Variants in C1orf87 observed in about 807,000 individuals in gnomAD.
C1orf87 encodes chromosome 1 open reading frame 87, also known as uncharacterized protein C1orf87.
A neutral mutation model predicts 60.5 loss-of-function variants in C1orf87; 58 were observed. The ratio of observed to expected loss-of-function variants is 0.96; its 90% CI spans 0.78 to 1.19. The LOEUF is 1.19. Ranked by LOEUF, C1orf87 falls within the 50% of genes most tolerant of loss-of-function variation. The pLI is 0.00. For synonymous variants in C1orf87, 236 were observed against 227.4 expected (o/e 1.04, Z -0.34); for missense variants, 673 against 638.6 (o/e 1.05, Z -0.58).
At chr1:60,054,764 C>T (rs1645440709) in intron 3 of C1orf87, among the ~76,000 whole-genome samples, 1 of 152,208 alleles carries the variant, frequency 6.6e-6, no homozygotes, top group Admixed American at 6.5e-5. Context: ...GTATATATTT[C>T]TATCAACAGA....
intron 8 of C1orf87, among the ~76,000 whole-genome samples, chr1:60,015,885 G>A (rs531000228): frequency 1.3e-5 from 2 of 152,178 alleles, no homozygotes; most frequent in East Asian, 3.9e-4. Flanking sequence ...CAGAGTAGCT[G>A]AGACTGGAGG....
chr1:60,006,061 A>G (rs1320149752), intron 9 of C1orf87, among the ~76,000 whole-genome samples: 1 of 152,030 alleles, frequency 6.6e-6, no homozygotes, highest in Non-Finnish European at 1.5e-5. Flanking sequence ...AATACTTGCT[A>G]CAGTTTCTTA....
chr1:60,052,614 A>G (rs1645422473), intron 3 of C1orf87, among the ~76,000 whole-genome samples: 1 of 150,644 alleles, frequency 6.6e-6, no homozygotes, highest in Non-Finnish European at 1.5e-5. Flanking sequence ...TGATTTGGAA[A>G]AGAGTTTCAC....
chr1:59,997,919 G>T, intron 10 of C1orf87, 103 bp from the exon 11 acceptor site: 2 of 1,138,554 alleles, frequency 1.8e-6, no homozygotes, highest in Non-Finnish European at 2.5e-6. Context: ...TTATAGCAAG[G>T]TTTGAGTTTG....
intron 7 of C1orf87, among the ~76,000 whole-genome samples, chr1:60,028,629 G>A (rs1266740989): frequency 6.6e-6 from 1 of 152,074 alleles, no homozygotes. Flanking sequence ...TGAAAGATCA[G>A]TGCACACTGT....
chr1:60,026,288 G>T (rs1419021665), intron 7 of C1orf87, among the ~76,000 whole-genome samples: 2 of 152,182 alleles, frequency 1.3e-5, no homozygotes, highest in Admixed American at 1.3e-4. Flanking sequence ...ATCTTGGGAA[G>T]TTACTTAACC....
chr1:60,061,776 C>CAAAAAAAAAAA (rs57844722), intron 2 of C1orf87, among the ~76,000 whole-genome samples: 2 of 53,156 alleles, frequency 3.8e-5, no homozygotes, highest in African/African-American at 7.3e-5. Flanking sequence ...CCATCTCTAC[C>CAAAAAAAAAAA]AAAAAAAAAA....
chr1:60,014,574 A>C (rs1385900340), intron 8 of C1orf87, among the ~76,000 whole-genome samples: 2 of 152,152 alleles, frequency 1.3e-5, no homozygotes, highest in African/African-American at 4.8e-5. Context: ...CTAAACACAC[A>C]AAATATAGGC....
rs944469234 is a variant in C1orf87 at position 60,040,453 on chromosome 1, C to A, written c.484-273G>T. On this transcript the variant is annotated intron_variant, in intron 4 of 11. Coordinates refer to ENST00000371201, the MANE Select transcript of C1orf87 (RefSeq NM_152377.3). The stretch of plus-strand genomic sequence containing the variant: ...TTTAACATACATCATTTGCCTTTTA[C>A]AAAATAACTGCTTTGATGGTATAAG... Among the ~76,000 whole-genome samples the A allele has an allele frequency of 4.6e-5, 7 of 152,174 alleles. 1 individual carries two copies. Among genetic ancestry groups the A allele is most frequent in the South Asian group, 2.1e-4 (1 of 4,832 alleles).
chr1:60,026,961 T>A (rs1196755168), intron 7 of C1orf87, among the ~76,000 whole-genome samples: 1 of 152,200 alleles, frequency 6.6e-6, no homozygotes, highest in Non-Finnish European at 1.5e-5. Context: ...AGATTTGAAG[T>A]TCTGTCCCCA....
chr1:60,051,897 T>C (rs2100313693), intron 3 of C1orf87, among the ~76,000 whole-genome samples: 1 of 152,330 alleles, frequency 6.6e-6, no homozygotes. Context: ...TCAGGTTTCT[T>C]GCTGGTGCAA....
At chr1:60,056,484 C>T (rs1413511355) in intron 2 of C1orf87, among the ~76,000 whole-genome samples, 3 of 151,926 alleles carry the variant, frequency 2.0e-5, no homozygotes, top group Non-Finnish European at 4.4e-5. Context: ...TCATTCTTTG[C>T]TTGTGATAAA....
At position 60,038,053 on chromosome 1, in the gene C1orf87, G is replaced by A. The variant is rs1348167795; in HGVS notation, c.802C>T (p.Gln268Ter). The change falls in exon 6 of 12, where the codon CAG (glutamine) becomes TAG (stop). Residue 268 changes from glutamine to a stop codon, truncating the protein, a stop_gained. Transcript: ENST00000371201. LOFTEE classifies it high-confidence loss of function. ...FLNSAASDYP[Q>*]QNKAAADLRK... ...AGGTCTGCAGCTGCTTTATTTTGCT[G>A]TGGATAATCTGATGCTGCACTGTTT... The A allele has an allele frequency of 2.2e-5, 36 of 1,609,986 alleles. No homozygotes were observed. Among genetic ancestry groups the A allele is most frequent in the Non-Finnish European group, 2.9e-5 (34 of 1,177,010 alleles).
At chr1:60,054,683 AT>A (rs1645440113) in intron 3 of C1orf87, among the ~76,000 whole-genome samples, 1 of 152,156 alleles carries the variant, frequency 6.6e-6, no homozygotes. Context: ...CAAACTACTA[AT>A]CATATAGATT....
At chr1:60,001,214 C>T (rs942563943) in intron 9 of C1orf87, 58 bp from the exon 10 acceptor site, 24 of 1,184,622 alleles carry the variant, frequency 2.0e-5, no homozygotes, top group Non-Finnish European at 2.6e-5. Context: ...TCATTTAACA[C>T]ACACATATAC....
chr1:60,070,308 T>C (rs1429629893), intron 2 of C1orf87, among the ~76,000 whole-genome samples: 1 of 152,236 alleles, frequency 6.6e-6, no homozygotes, highest in Non-Finnish European at 1.5e-5. Flanking sequence ...CTATCCATTA[T>C]TGATCCATGA....
intron 8 of C1orf87, among the ~76,000 whole-genome samples, chr1:60,013,223 C>T (rs545209444): frequency 6.6e-6 from 1 of 152,088 alleles, no homozygotes; most frequent in African/African-American, 2.4e-5. Flanking sequence ...TTTCTTTTTC[C>T]ATTTTTTCTA....
At chr1:60,030,650 T>C (rs1220522388) in intron 7 of C1orf87, among the ~76,000 whole-genome samples, 4 of 152,230 alleles carry the variant, frequency 2.6e-5, no homozygotes, top group African/African-American at 9.6e-5. Flanking sequence ...ATGGATTGTG[T>C]AAAAGGGTTA....
At chr1:60,014,698 C>G (rs1362792116) in intron 8 of C1orf87, among the ~76,000 whole-genome samples, 1 of 152,146 alleles carries the variant, frequency 6.6e-6, no homozygotes, top group African/African-American at 2.4e-5. Context: ...ACCTCCCAAG[C>G]CCATTACCTT....
Sources: allele counts gnomAD v4.1 joint callset (sites outside exome capture counted in the v4.1 genomes callset), GRCh38; gene constraint gnomAD v4.1.1; transcripts MANE v1.5; gene names NCBI Gene and HGNC (gene_info 2026-07-23, HGNC 2026-07-21).